CNPPD1: variants seen among roughly 807,000 people sequenced by gnomAD.
The protein encoded by CNPPD1 is cyclin Pas1/PHO80 domain containing 1, also known as protein CNPPD1.
In CNPPD1, 40 loss-of-function variants were observed where a neutral mutation model predicts 43.7. The ratio of observed to expected loss-of-function variants is 0.92; its 90% CI spans 0.71 to 1.19. The LOEUF (loss-of-function observed/expected upper bound fraction) is 1.19. Among genes scored for constraint, CNPPD1 ranks in the 50% most tolerant of loss-of-function variants. The probability of loss-of-function intolerance (pLI) is 0.00; values close to 1 mark genes in which losing one functional copy is unlikely to be tolerated. For missense variants in CNPPD1, 511 were observed against 518.5 expected (o/e 0.99, Z 0.14); for synonymous variants, 208 against 214.3 (o/e 0.97, Z 0.26).
At chr2:219,173,502 C>T (rs751248560) in intron 6 of CNPPD1, 35 bp from the exon 7 acceptor site, 1 of 1,593,920 alleles carries the variant, frequency 6.3e-7, no homozygotes, top group Non-Finnish European at 8.6e-7. Context: ...GAGTATGCAA[C>T]TGTCCTGCAG....
chr2:219,175,730 A>T, intron 2 of CNPPD1, 58 bp from the exon 3 acceptor site: 2 of 1,406,076 alleles, frequency 1.4e-6, no homozygotes, highest in South Asian at 1.2e-5. Flanking sequence ...CCAACACACC[A>T]GTCCCCACTG....
intron 2 of CNPPD1, 111 bp from the exon 3 acceptor site, chr2:219,175,783 C>A: frequency 1.1e-6 from 1 of 889,098 alleles, no homozygotes; most frequent in Non-Finnish European, 1.8e-6. Context: ...GCCTTGGGGA[C>A]AGGACCATAG....
chr2:219,176,758 A>C lies in CNPPD1; in HGVS notation c.69+2T>G. 6.4e-7 allele frequency: 1 copy of C among 1,572,784 alleles called. No individual in the cohort carries two copies. Among genetic ancestry groups the C allele is most frequent in the Non-Finnish European group, 8.6e-7 (1 of 1,159,672 alleles). On this transcript the variant is annotated splice_donor_variant, in intron 1 of 7. Coordinates refer to ENST00000360507, the MANE Select transcript of CNPPD1 (RefSeq NM_015680.6). LOFTEE classifies it high-confidence loss of function. ...CGGGGAGGGGGCGGGACCCCCACTC[A>C]CCGTGAAGTCCTGGAAGCCGGCGAG...
intron 1 of CNPPD1, among the ~76,000 whole-genome samples, 176 bp downstream of exon 1, chr2:219,176,584 G>A (rs1028701615): frequency 1.3e-5 from 2 of 152,160 alleles, no homozygotes; most frequent in Non-Finnish European, 2.9e-5. Flanking sequence ...CCACCCCTAC[G>A]CCCATTCCTA....
At position 219,175,671 on chromosome 2, in the gene CNPPD1, G is replaced by T. The variant is rs760960838; in HGVS notation, c.180C>A (p.Asp60Glu). Residue 60 changes from aspartate (D) to glutamate (E), a missense_variant and splice_region_variant, in exon 3 of 8, where the codon GAC becomes GAA. Physicochemically the swap from Asp to Glu is conservative, Grantham distance 45. Coordinates refer to ENST00000360507, the MANE Select transcript of CNPPD1 (RefSeq NM_015680.6). ...SLEELSSPVA[D>E]IAVELLQKAA... Reference sequence around the variant, plus strand: ...CCTTCTGGAGCAGTTCGACAGCAATGTCTGCAAGGGACAGAAGGAAGGCCG... The same window carrying T: ...CCTTCTGGAGCAGTTCGACAGCAATTTCTGCAAGGGACAGAAGGAAGGCCG... 1.2e-6 allele frequency: 2 copies of T among 1,613,718 alleles called. No homozygotes were observed. The highest frequency in any genetic ancestry group is 2.7e-5 in the African/African-American group (2 of 74,872).
chr2:219,172,972 G>A lies in CNPPD1; in HGVS notation c.847C>T (p.Pro283Ser). Residue 283 changes from proline (P) to serine (S), a missense_variant, in exon 8 of 8, where the codon CCT (proline) becomes TCT (serine). By Grantham distance (74) the Pro-to-Ser change is moderately conservative. Coordinates refer to ENST00000360507, the MANE Select transcript of CNPPD1 (RefSeq NM_015680.6). Reference sequence around the variant, plus strand: ...GACGGCAGGCATTGTGGCACAGAAGGTATGCAGGGCTCCAGGAGGCAACGG... The same window carrying A: ...GACGGCAGGCATTGTGGCACAGAAGATATGCAGGGCTCCAGGAGGCAACGG... ...TSRCLLEPCI[P>S]SVPQCLPSLA... 4 of 1,613,972 alleles carry A rather than the reference G, an allele frequency of 2.5e-6. No homozygotes were observed. The highest frequency in any genetic ancestry group is 3.4e-6 in the Non-Finnish European group (4 of 1,179,984).
chr2:219,174,839 G>A lies in CNPPD1; in HGVS notation c.449C>T (p.Ala150Val), dbSNP rs757527114. Residue 150 changes from alanine to valine, a missense_variant, in exon 5 of 8, where the codon GCT becomes GTT. Ala to Val is a moderately conservative substitution (Grantham distance 64). Transcript: ENST00000360507. ...AGTGGGCACGGCCACACCCCCAGCAGCTCCCCATTCGTCGTTGAAGACCTC... is the reference window on the plus strand; with the variant it reads ...AGTGGGCACGGCCACACCCCCAGCAACTCCCCATTCGTCGTTGAAGACCTC... ...EEEVFNDEWG[A>V]AGGVAVPTLN... 31 of 1,614,114 alleles carry A rather than the reference G, an allele frequency of 1.9e-5. 1 individual carries two copies. The East Asian group carries it at 6.5e-4, about 34-fold the overall frequency.
chr2:219,173,558 A>C (rs1950110864), intron 6 of CNPPD1, 91 bp from the exon 7 acceptor site: 2 of 1,097,454 alleles, frequency 1.8e-6, no homozygotes, highest in African/African-American at 3.1e-5. Flanking sequence ...ACCAGGAAAC[A>C]CTGGGAAGCC....
intron 1 of CNPPD1, 58 bp from the exon 2 acceptor site, chr2:219,176,389 C>T: frequency 7.5e-7 from 1 of 1,335,624 alleles, no homozygotes; most frequent in East Asian, 2.3e-5. Flanking sequence ...GATGCAGATC[C>T]TGGCTCTGGG....
At chr2:219,177,119 G>C (rs1950186205), upstream of CNPPD1, 1 of 346,696 alleles carries the variant, frequency 2.9e-6, no homozygotes, top group Non-Finnish European at 5.2e-6. Flanking sequence ...GGAGCAGAAA[G>C]GAGATGCGGC....
chr2:219,177,535 G>A (rs527248361), upstream of CNPPD1, among the ~76,000 whole-genome samples: 4 of 152,054 alleles, frequency 2.6e-5, no homozygotes, highest in East Asian at 5.8e-4. Context: ...TGAAAAGGAA[G>A]AGAAACTCAG....
At chr2:219,173,245 T>C in intron 7 of CNPPD1, 105 bp downstream of exon 7, 1 of 1,419,388 alleles carries the variant, frequency 7.0e-7, no homozygotes, top group South Asian at 1.3e-5. Context: ...ACTCTGCCCA[T>C]CTATTCCCAA....
chr2:219,177,771 A>G (rs1274832309), upstream of CNPPD1: 4 of 152,224 alleles, frequency 2.6e-5, no homozygotes, highest in Non-Finnish European at 5.9e-5. Context: ...GGGAAAGTTT[A>G]AGGAGATAGG....
At chr2:219,174,056 C>G in intron 6 of CNPPD1, 90 bp downstream of exon 6, 2 of 1,225,564 alleles carry the variant, frequency 1.6e-6, no homozygotes, top group Admixed American at 1.7e-5. Flanking sequence ...CTCCCTCCCC[C>G]AGTTACACAG....
At chr2:219,175,225 G>A in intron 3 of CNPPD1, 117 bp from the exon 4 acceptor site, 1 of 1,325,622 alleles carries the variant, frequency 7.5e-7, no homozygotes, top group African/African-American at 1.5e-5. Flanking sequence ...TCCTGGCTGG[G>A]CACGGTGGCT....
chr2:219,173,594 C>G, intron 6 of CNPPD1, 127 bp from the exon 7 acceptor site: 3 of 636,498 alleles, frequency 4.7e-6, no homozygotes, highest in East Asian at 2.8e-5. Flanking sequence ...CCTAGGCTAT[C>G]TGCTGATCTA....
At chr2:219,173,827 G>A (rs1168472458) in intron 6 of CNPPD1, among the ~76,000 whole-genome samples, 5 of 151,892 alleles carry the variant, frequency 3.3e-5, no homozygotes, top group Admixed American at 1.3e-4. Context: ...TTCTGGTAGG[G>A]TCAGGCATCT....
chr2:219,175,725 A>G, intron 2 of CNPPD1, 53 bp from the exon 3 acceptor site: 1 of 1,466,354 alleles, frequency 6.8e-7, no homozygotes, highest in Admixed American at 1.7e-5. Context: ...CACACCCAAC[A>G]CACCAGTCCC....
At position 219,174,203 on chromosome 2, in the gene CNPPD1, C is replaced by T. The variant is rs775430955; in HGVS notation, c.515G>A (p.Trp172Ter). The part of the protein sequence containing the change: ...LERGFLSAMD[W>*]HLYTDPREIF... ...CTCCCGAGGGTCAGTGTAGAGATGC[C>T]AATCCTGTGAGTACGGAGAGTGGAC... Residue 172 changes from tryptophan to a stop codon, truncating the protein, a stop_gained, in exon 6 of 8, where the codon TGG becomes TAG. Transcript: ENST00000360507. LOFTEE classifies it high-confidence loss of function. 1 of 1,614,058 alleles carries T rather than the reference C, an allele frequency of 6.2e-7. No homozygotes were observed. The highest frequency in any genetic ancestry group is 1.1e-5 in the South Asian group (1 of 91,074).
Sources: gnomAD v4.1 joint callset for allele counts (sites outside exome capture counted in the v4.1 genomes callset) on GRCh38, gnomAD v4.1.1 for gene constraint, MANE v1.5 for transcripts, NCBI Gene and HGNC (gene_info 2026-07-23, HGNC 2026-07-21) for gene names.